Variants in MTMR12 observed in about 807,000 individuals in gnomAD.
The protein encoded by MTMR12 is myotubularin related protein 12.
Under a neutral mutation model 96.7 loss-of-function variants are expected in MTMR12, and 33 were observed. The observed-to-expected ratio is 0.34, with a 90% CI of 0.26 to 0.46. The LOEUF (loss-of-function observed/expected upper bound fraction) is 0.46, where lower values mean the gene tolerates loss of function less well. MTMR12 is among the 20% of genes least tolerant of loss of function. MTMR12 has a pLI of 1.00. For synonymous variants in MTMR12, 298 were observed against 327.2 expected (o/e 0.91, Z 0.96); for missense variants, 721 against 896.1 (o/e 0.80, Z 2.49).
intron 1 of MTMR12, among the ~76,000 whole-genome samples, chr5:32,299,823 A>G (rs1751069539): frequency 6.6e-6 from 1 of 152,206 alleles, no homozygotes; most frequent in African/African-American, 2.4e-5. Context: ...AGATGGGGAA[A>G]GATGTCACCC....
intron 10 of MTMR12, among the ~76,000 whole-genome samples, chr5:32,246,170 G>GGTTTTTTTTTTTTTTTTT (rs1554056246): frequency 1.2e-5 from 1 of 82,772 alleles, no homozygotes. Flanking sequence ...TGAGTAGACA[G>GGTTTTTTTTTTTTTTTTT]TTTTTTTTTT....
intron 10 of MTMR12, among the ~76,000 whole-genome samples, chr5:32,244,675 T>C (rs1433826497): frequency 1.3e-5 from 2 of 152,194 alleles, no homozygotes; most frequent in African/African-American, 4.8e-5. Context: ...GAAATAAAAC[T>C]AGAATGAGTG....
intron 1 of MTMR12, among the ~76,000 whole-genome samples, chr5:32,310,626 G>A (rs1751543150): frequency 6.6e-6 from 1 of 152,210 alleles, no homozygotes; most frequent in Non-Finnish European, 1.5e-5. Context: ...GAGACAGAAT[G>A]ATGGTTACCA....
chr5:32,246,513 A>G (rs976692267), intron 10 of MTMR12, among the ~76,000 whole-genome samples: 1 of 152,180 alleles, frequency 6.6e-6, no homozygotes, highest in Non-Finnish European at 1.5e-5. Flanking sequence ...GGCTGAACCA[A>G]CTGAGATGTC....
chr5:32,302,735 A>T (rs1561814799), intron 1 of MTMR12, among the ~76,000 whole-genome samples: 1 of 152,104 alleles, frequency 6.6e-6, no homozygotes, highest in East Asian at 1.9e-4. Flanking sequence ...AAAAAAAAAA[A>T]AAATTAGGGA....
chr5:32,233,648 T>C lies in MTMR12; in HGVS notation c.1674+125A>G. The C allele has an allele frequency of 3.7e-6, 5 of 1,334,220 alleles. No homozygotes were observed. The South Asian group carries it at 5.4e-5, about 14-fold the overall frequency. 82.6% of individuals were successfully genotyped at this position (1,334,220 alleles called of 1,614,324 possible). A position where few individuals can be genotyped will look rare whatever the true frequency, so the allele number is the denominator to read the frequency against. ...CCCTTGACAATTTGACCATCACAAG[T>C]CTCAACTCTGCAGACTGCTTCGAGG... On this transcript the variant is annotated intron_variant, in intron 15 of 15. Coordinates refer to ENST00000382142, the MANE Select transcript of MTMR12 (RefSeq NM_001040446.3). This position sits in a 1 kb window ranked among gnomAD's most constrained non-coding sequence, Gnocchi z 5.0.
chr5:32,295,143 A>G (rs1289466127), intron 1 of MTMR12, among the ~76,000 whole-genome samples: 2 of 152,240 alleles, frequency 1.3e-5, no homozygotes, highest in African/African-American at 4.8e-5. Context: ...CCTGGCCAGA[A>G]GGCTTGGCTC....
In MTMR12 at chr5:32,228,498, C is replaced by T. The variant is rs1039694351; in HGVS notation, c.*1280G>A. On this transcript the variant is annotated 3_prime_UTR_variant, in exon 16 of 16. Coordinates refer to ENST00000382142, the MANE Select transcript of MTMR12 (RefSeq NM_001040446.3). Reference sequence around the variant, plus strand: ...AAAAATCTGCTCCTTACAAAGTATACTTTCCTGCATTAAAAAAAATATATA... The same window carrying T: ...AAAAATCTGCTCCTTACAAAGTATATTTTCCTGCATTAAAAAAAATATATA... The T allele has an allele frequency of 7.7e-6, 1 of 129,762 alleles. No individual in the cohort carries two copies. The highest frequency in any genetic ancestry group is 1.6e-5 in the Non-Finnish European group (1 of 60,780). 8.0% of individuals were successfully genotyped at this position (129,762 alleles called of 1,614,324 possible). A position where few individuals can be genotyped will look rare whatever the true frequency, so the allele number is the denominator to read the frequency against.
intron 1 of MTMR12, among the ~76,000 whole-genome samples, chr5:32,279,481 C>T (rs143209405): frequency 2.3e-3 from 350 of 152,216 alleles, no homozygotes; most frequent in African/African-American, 8.2e-3. Flanking sequence ...CTACATTCTT[C>T]GCTGCTATGT....
At chr5:32,294,367 A>G (rs1750846941) in intron 1 of MTMR12, among the ~76,000 whole-genome samples, 1 of 151,904 alleles carries the variant, frequency 6.6e-6, no homozygotes, top group African/African-American at 2.4e-5. Context: ...CAGTGGCACA[A>G]TCTTGGCTCA....
intron 2 of MTMR12, 49 bp downstream of exon 2, chr5:32,276,633 T>A: frequency 1.4e-6 from 2 of 1,479,056 alleles, no homozygotes; most frequent in Non-Finnish European, 1.9e-6. Context: ...ATGTAATTTA[T>A]CATTGGCTTT....
chr5:32,278,847 G>A (rs113832735), intron 1 of MTMR12, among the ~76,000 whole-genome samples: 1 of 152,040 alleles, frequency 6.6e-6, no homozygotes, highest in Non-Finnish European at 1.5e-5. Flanking sequence ...GGAGGCCGAG[G>A]TGGACGGATC....
chr5:32,270,671 C>G, intron 5 of MTMR12, 146 bp downstream of exon 5: 6 of 850,158 alleles, frequency 7.1e-6, no homozygotes, highest in Non-Finnish European at 1.1e-5. Context: ...TTTTCACGTT[C>G]TAATCAAAGA....
At chr5:32,266,639 GATCCCGCCACTGCACTC>G (rs888215350) in intron 6 of MTMR12, among the ~76,000 whole-genome samples, 4 of 150,696 alleles carry the variant, frequency 2.7e-5, no homozygotes, top group African/African-American at 4.9e-5. Context: ...AGTGAGCCGA[GATCCCGCCACTGCACTC>G]CAGCCTGGGT....
intron 1 of MTMR12, among the ~76,000 whole-genome samples, chr5:32,285,571 T>G (rs141897136): frequency 1.2e-3 from 177 of 152,294 alleles, no homozygotes; most frequent in Middle Eastern, 3.4e-3. Context: ...AGTCTTCCAG[T>G]TTCCGCAAGT....
At chr5:32,302,631 C>T (rs1251156830) in intron 1 of MTMR12, among the ~76,000 whole-genome samples, 2 of 151,792 alleles carry the variant, frequency 1.3e-5, no homozygotes, top group Admixed American at 6.6e-5. Flanking sequence ...GCAGGCGAAT[C>T]GCTTGAACCC....
chr5:32,292,491 C>G (rs1750772905), intron 1 of MTMR12, among the ~76,000 whole-genome samples: 1 of 152,176 alleles, frequency 6.6e-6, no homozygotes, highest in Admixed American at 6.5e-5. Context: ...ACACTTTGGG[C>G]CCCTCCTACC....
chr5:32,272,164 G>A lies in MTMR12; in HGVS notation c.286-259C>T, dbSNP rs556885328. ...AAATTAGCCAGGCTTGGTGGTGGGC[G>A]CCTGTAGTCCCAGCTACTCGGGAGG... On this transcript the variant is annotated intron_variant, in intron 3 of 15. Transcript: ENST00000382142. 2.9e-3 allele frequency among the ~76,000 whole-genome samples: 435 copies of A among 152,050 alleles called. 2 individuals carry two copies. Among genetic ancestry groups the A allele is most frequent in the African/African-American group, 0.01 (425 of 41,494 alleles).
At chr5:32,231,292 T>A (rs1477332809) in intron 15 of MTMR12, among the ~76,000 whole-genome samples, 1 of 149,664 alleles carries the variant, frequency 6.7e-6, no homozygotes, top group African/African-American at 2.5e-5. Context: ...GGGAGGAGAA[T>A]TGCTTGAACC....
Sources: allele counts gnomAD v4.1 joint callset (sites outside exome capture counted in the v4.1 genomes callset), GRCh38; gene constraint gnomAD v4.1.1; non-coding constraint Gnocchi (gnomAD v3.1); transcripts MANE v1.5; gene names NCBI Gene and HGNC (gene_info 2026-07-23, HGNC 2026-07-21).